Variants in EIF4ENIF1 observed in about 807,000 individuals in gnomAD.
The protein encoded by EIF4ENIF1 is eukaryotic translation initiation factor 4E nuclear import factor 1, also known as eukaryotic translation initiation factor 4E transporter.
A neutral mutation model predicts 110.5 loss-of-function variants in EIF4ENIF1; 23 were observed. The ratio of observed to expected loss-of-function variants is 0.21; its 90% CI spans 0.15 to 0.29. The LOEUF is 0.29. Ranked by LOEUF, EIF4ENIF1 falls within the 10% of genes least tolerant of loss-of-function variation. The probability of loss-of-function intolerance (pLI) is 1.00; values close to 1 mark genes in which losing one functional copy is unlikely to be tolerated. For synonymous variants in EIF4ENIF1, 440 were observed against 437.0 expected (o/e 1.01, Z -0.09); for missense variants, 1,031 against 1,221.1 (o/e 0.84, Z 2.32).
chr22:31,443,572 A>G (rs1367342784), intron 15 of EIF4ENIF1, among the ~76,000 whole-genome samples: 1 of 152,116 alleles, frequency 6.6e-6, no homozygotes, highest in Admixed American at 6.5e-5. Context: ...CACTATTTCT[A>G]CCTTGGTGAT....
intron 12 of EIF4ENIF1, 71 bp from the exon 13 acceptor site, chr22:31,448,303 C>T (rs2050540537): frequency 1.4e-6 from 2 of 1,443,606 alleles, no homozygotes. Flanking sequence ...TTCATTAATG[C>T]ATGACATTTC....
intron 2 of EIF4ENIF1, among the ~76,000 whole-genome samples, chr22:31,483,562 T>C (rs567701386): frequency 3.7e-4 from 57 of 152,196 alleles, no homozygotes; most frequent in African/African-American, 1.1e-3. Context: ...CAGAATCCCC[T>C]GAAGAGCTTG....
chr22:31,465,637 CA>C (rs2146000934), intron 4 of EIF4ENIF1, among the ~76,000 whole-genome samples: 1 of 152,342 alleles, frequency 6.6e-6, no homozygotes, highest in African/African-American at 2.4e-5. Context: ...GTTAAACATA[CA>C]TCTGCTATAC....
chr22:31,459,893 T>A (rs1328913711), intron 6 of EIF4ENIF1, among the ~76,000 whole-genome samples: 1 of 152,204 alleles, frequency 6.6e-6, no homozygotes, highest in Non-Finnish European at 1.5e-5. Flanking sequence ...TCAATTTCTC[T>A]CTGCATCTGT....
intron 13 of EIF4ENIF1, 139 bp downstream of exon 13, chr22:31,448,014 G>T: frequency 1.1e-6 from 1 of 914,220 alleles, no homozygotes. Flanking sequence ...CTCCCAAAGT[G>T]CTGGGATTAC....
chr22:31,478,666 A>C (rs2051686484), intron 2 of EIF4ENIF1, among the ~76,000 whole-genome samples: 1 of 151,934 alleles, frequency 6.6e-6, no homozygotes, highest in Admixed American at 6.6e-5. Context: ...AAATACAAAA[A>C]AATGGCCGGG....
chr22:31,450,543 T>C, intron 10 of EIF4ENIF1, 183 bp from the exon 11 acceptor site: 1 of 485,788 alleles, frequency 2.1e-6, no homozygotes, highest in South Asian at 2.1e-5. Flanking sequence ...GATCTGGGGA[T>C]GGAAAGACCG....
intron 3 of EIF4ENIF1, among the ~76,000 whole-genome samples, chr22:31,469,697 T>C (rs5753635): frequency 0.073 from 11,097 of 152,208 alleles, 702 homozygotes; most frequent in East Asian, 0.35. Context: ...GGATAACTTT[T>C]TTATTTTTTT....
At chr22:31,444,711 A>G (rs1464579030) in intron 14 of EIF4ENIF1, 21 bp from the exon 15 acceptor site, 1 of 1,610,672 alleles carries the variant, frequency 6.2e-7, no homozygotes, top group Admixed American at 1.7e-5. Flanking sequence ...ACCAATTATC[A>G]GCATGAACCC....
intron 15 of EIF4ENIF1, among the ~76,000 whole-genome samples, chr22:31,443,972 A>G (rs2050384509): frequency 6.6e-6 from 1 of 151,872 alleles, no homozygotes; most frequent in African/African-American, 2.4e-5. Context: ...AATTTTTTGT[A>G]TTAGGGGTAG....
intron 5 of EIF4ENIF1, 30 bp downstream of exon 5, chr22:31,463,651 T>TTA (rs1555908288): frequency 8.6e-7 from 1 of 1,165,758 alleles, no homozygotes; most frequent in Non-Finnish European, 1.1e-6. Flanking sequence ...CGTCTCAATT[T>TTA]AAAAAAAAAA....
chr22:31,443,129 C>T (rs898582654), intron 15 of EIF4ENIF1, 35 bp from the exon 16 acceptor site: 1 of 1,609,064 alleles, frequency 6.2e-7, no homozygotes, highest in Non-Finnish European at 8.5e-7. Context: ...AGCACATTCT[C>T]TAAGTGCCGT....
chr22:31,484,106 C>T (rs760800164), intron 2 of EIF4ENIF1, among the ~76,000 whole-genome samples: 4 of 152,150 alleles, frequency 2.6e-5, no homozygotes, highest in African/African-American at 4.8e-5. Flanking sequence ...AAGACCAAAG[C>T]CTTGATACTT....
chr22:31,449,620 A>G (rs2050586550), intron 11 of EIF4ENIF1, 89 bp from the exon 12 acceptor site: 2 of 1,208,192 alleles, frequency 1.7e-6, no homozygotes, highest in Admixed American at 2.4e-5. Context: ...GAGAGCCACA[A>G]GATGGATCTC....
intron 2 of EIF4ENIF1, among the ~76,000 whole-genome samples, chr22:31,478,661 CA>C (rs2051686252): frequency 6.8e-6 from 1 of 146,968 alleles, no homozygotes; most frequent in Non-Finnish European, 1.5e-5. Context: ...ACTGAAAATA[CA>C]AAAAAATGGC....
chr22:31,484,117 A>T (rs1365053551), intron 2 of EIF4ENIF1, among the ~76,000 whole-genome samples: 1 of 152,182 alleles, frequency 6.6e-6, no homozygotes, highest in African/African-American at 2.4e-5. Flanking sequence ...CTTGATACTT[A>T]AAGTATAGTC....
intron 6 of EIF4ENIF1, 38 bp downstream of exon 6, chr22:31,462,894 T>G: frequency 6.2e-7 from 1 of 1,605,964 alleles, no homozygotes. Context: ...ACATCTCATT[T>G]TAAAACAGCG....
intron 4 of EIF4ENIF1, chr22:31,464,248 G>A (rs2051097185): frequency 6.0e-6 from 2 of 331,760 alleles, no homozygotes; most frequent in African/African-American, 4.3e-5. Flanking sequence ...CCTTATCTAA[G>A]AATTATTAGC....
downstream of EIF4ENIF1, among the ~76,000 whole-genome samples, chr22:31,438,551 C>T (rs990944025): frequency 6.6e-6 from 1 of 152,084 alleles, no homozygotes; most frequent in Non-Finnish European, 1.5e-5. Flanking sequence ...CCTCAATAAA[C>T]TGTTTTCACT....
Sources: gnomAD v4.1 joint callset for allele counts (sites outside exome capture counted in the v4.1 genomes callset) on GRCh38, gnomAD v4.1.1 for gene constraint, MANE v1.5 for transcripts, NCBI Gene and HGNC (gene_info 2026-07-23, HGNC 2026-07-21) for gene names.